The following LSS variants were observed in gnomAD, a reference collection of about 807,000 sequenced individuals.
The protein encoded by LSS is lanosterol synthase, also known as 2,3-epoxysqualene-lanosterol cyclase.
In LSS, 90 loss-of-function variants were observed where a neutral mutation model predicts 110.3. That is an observed-to-expected ratio of 0.82 (90% confidence interval 0.69 to 0.97). The LOEUF (loss-of-function observed/expected upper bound fraction) is 0.97, where lower values mean the gene tolerates loss of function less well. Ranked by LOEUF, LSS falls within the 50% of genes least tolerant of loss-of-function variation. The pLI is 0.00. For synonymous variants in LSS, 433 were observed against 400.0 expected (o/e 1.08, Z -0.98); for missense variants, 927 against 990.0 (o/e 0.94, Z 0.85).
At position 46,228,303 on chromosome 21, in the gene LSS, C is replaced by T. The variant is rs1942602339; in HGVS notation, c.180+131G>A. On this transcript the variant is annotated intron_variant, in intron 2 of 21. Coordinates refer to ENST00000397728, the MANE Select transcript of LSS (RefSeq NM_002340.6). ...CGGAGGGGCCCGCGAACGCAGTTCC[C>T]GTGGGCGCTCGCCTTGGGGATGGGC... The T allele has an allele frequency of 8.6e-6, 9 of 1,044,760 alleles. 1 individual carries two copies. Among genetic ancestry groups the T allele is most frequent in the South Asian group, 8.2e-5 (5 of 61,078 alleles). The allele number at this position is 1,044,760 out of a possible 1,614,324, so 64.7% of individuals were successfully genotyped here.
In LSS at chr21:46,217,010, G is replaced by A. The variant is rs151243592; in HGVS notation, c.648-486C>T. ...GCCTGTAACCCTAGCACTTTGGGAG[G>A]CCGAGGCTGGTGGATCACTTGAGGT... is the stretch of plus-strand genomic sequence containing the variant. On this transcript the variant is annotated intron_variant, in intron 6 of 21. Coordinates refer to ENST00000397728, the MANE Select transcript of LSS (RefSeq NM_002340.6). 2.0e-3 allele frequency among the ~76,000 whole-genome samples: 305 copies of A among 152,220 alleles called. 2 individuals are homozygous for A. The highest frequency in any genetic ancestry group is 7.0e-3 in the African/African-American group (290 of 41,540).
intron 6 of LSS, among the ~76,000 whole-genome samples, chr21:46,219,095 C>T (rs1039306140): frequency 2.6e-5 from 4 of 152,302 alleles, no homozygotes; most frequent in South Asian, 2.1e-4. Flanking sequence ...ACACACTTCA[C>T]ATTCACCAGC....
At chr21:46,213,002 A>G in intron 11 of LSS, 23 bp downstream of exon 11, 7 of 1,613,954 alleles carry the variant, frequency 4.3e-6, no homozygotes, top group Non-Finnish European at 5.9e-6. Flanking sequence ...GGAAGCATGC[A>G]GCCGCAGTCC....
At chr21:46,198,267 TA>T (rs34529498) in intron 17 of LSS, among the ~76,000 whole-genome samples, 88,140 of 143,580 alleles carry the variant, frequency 0.61, 26,760 homozygotes, top group African/African-American at 0.7. Context: ...CTGCGTCCCT[TA>T]AAAAAAAAAA....
chr21:46,221,040 GAGGTAGCCAGACCAGGGCTTGGAGAA>G (rs2080272466), intron 5 of LSS, among the ~76,000 whole-genome samples: 2 of 150,292 alleles, frequency 1.3e-5, no homozygotes, highest in African/African-American at 2.5e-5. Context: ...AGGGCTTGGA[GAGGTAGCCAGACCAGGGCTTGGAGAA>G]GTAGACAGTT....
chr21:46,205,248 G>C (rs898266937), intron 17 of LSS, among the ~76,000 whole-genome samples: 4 of 152,168 alleles, frequency 2.6e-5, no homozygotes, highest in African/African-American at 9.7e-5. Context: ...AAGGCCCGAG[G>C]GAGAGAACGC....
chr21:46,195,065 G>A (rs1313751893), intron 19 of LSS, among the ~76,000 whole-genome samples: 1 of 152,140 alleles, frequency 6.6e-6, no homozygotes, highest in Non-Finnish European at 1.5e-5. Flanking sequence ...AGAGTCCGGC[G>A]GCTGGAGACA....
intron 16 of LSS, 121 bp downstream of exon 16, chr21:46,206,551 C>G (rs2080050739): frequency 2.5e-6 from 2 of 801,728 alleles, no homozygotes; most frequent in Admixed American, 3.9e-5. Flanking sequence ...CCAGACAGAT[C>G]TGCCGGTGAA....
rs566877239 is a variant in LSS at position 46,196,743 on chromosome 21, ACTTGT to A, written c.1671-481_1671-477del. ...CCAGTGTCACCCTGTGGGACGTGGG[ACTTGT>A]CTTTAACCAGCAGATCACGGCAGGG... is the stretch of plus-strand genomic sequence containing the variant. On this transcript the variant is annotated intron_variant, in intron 17 of 21. Transcript: ENST00000397728. Among the ~76,000 whole-genome samples, 489 of 152,316 alleles carry A rather than the reference ACTTGT, an allele frequency of 3.2e-3. 1 individual carries two copies. The highest frequency in any genetic ancestry group is 4.5e-3 in the Non-Finnish European group (309 of 68,036).
Position 46,227,571 on chromosome 21 carries a change from G to A in LSS, c.300C>T (p.Gly100=). 4.3e-6 allele frequency: 7 copies of A among 1,613,938 alleles called. No homozygotes were observed. Among genetic ancestry groups the A allele is most frequent in the South Asian group, 2.2e-5 (2 of 91,086 alleles). The change falls in exon 3 of 22, where the codon GGC becomes GGT. Residue 100 remains glycine, a synonymous_variant. Coordinates refer to ENST00000397728, the MANE Select transcript of LSS (RefSeq NM_002340.6). ...TCCTACCTGGCAGGAGGAAAAGTGG[G>A]CCACCATAATCACCCGTCCAGTGCC... ...EDGHWTGDYG[G]PLFLLPGLLI... is the part of the protein sequence containing the mutation.
rs2079822392 is a variant in LSS at position 46,191,957 on chromosome 21, T to C, written c.1991A>G (p.His664Arg). The C allele has an allele frequency of 6.2e-7, 1 of 1,612,586 alleles. No individual in the cohort carries two copies. Among genetic ancestry groups the C allele is most frequent in the Admixed American group, 1.7e-5 (1 of 59,908 alleles). The change falls in exon 21 of 22, where the codon CAT becomes CGT. Residue 664 changes from histidine (H) to arginine (R), a missense_variant and splice_region_variant. Physicochemically the swap from His to Arg is conservative, Grantham distance 29 (BLOSUM62 0). Coordinates refer to ENST00000397728, the MANE Select transcript of LSS (RefSeq NM_002340.6). Reference sequence around the variant, plus strand: ...TCTCTCCTGGGCCTCGATGTCAGGATGCCTGGTGGAAGAGAAGGCTGAAAC... The same window carrying C: ...TCTCTCCTGGGCCTCGATGTCAGGACGCCTGGTGGAAGAGAAGGCTGAAAC... ...WAMMGLMAVR[H>R]PDIEAQERGV...
rs903027984 is a variant in LSS at position 46,189,587 on chromosome 21, G to A, written c.*1517C>T. The A allele has an allele frequency of 1.8e-5, 8 of 447,466 alleles. No individual in the cohort carries two copies. The highest frequency in any genetic ancestry group is 1.6e-4 in the African/African-American group (8 of 49,948). 27.7% of individuals were successfully genotyped at this position (447,466 alleles called of 1,614,324 possible). ...CAGAGGGTGCGGCACCTGGGTGAGAGCCCTGGACTGCACACCAAGGCAGAG... is the reference window on the plus strand; with the variant it reads ...CAGAGGGTGCGGCACCTGGGTGAGAACCCTGGACTGCACACCAAGGCAGAG... On this transcript the variant is annotated 3_prime_UTR_variant, in exon 22 of 22. Transcript: ENST00000397728.
Position 46,194,583 on chromosome 21 carries a change from G to T in LSS, c.1896C>A (p.Asp632Glu), listed in dbSNP as rs1159437803. ...RQMADGGWGE[D>E]FESCEERRYL... Reference sequence around the variant, plus strand: ...AACGCCGCTCCTCGCAGGACTCAAAGTCCTCCCCCCAGCCTCCGTCTGCCA... The same window carrying T: ...AACGCCGCTCCTCGCAGGACTCAAATTCCTCCCCCCAGCCTCCGTCTGCCA... The change falls in exon 20 of 22, where the codon GAC (aspartate) becomes GAA (glutamate). Residue 632 changes from aspartate to glutamate, a missense_variant. Coordinates refer to ENST00000397728, the MANE Select transcript of LSS (RefSeq NM_002340.6). 5 of 1,613,732 alleles carry T rather than the reference G, an allele frequency of 3.1e-6. No individual in the cohort carries two copies. The highest frequency in any genetic ancestry group is 2.5e-6 in the Non-Finnish European group (3 of 1,179,968).
At chr21:46,228,668 C>G (rs754737788) in intron 1 of LSS, 64 bp downstream of exon 1, 1 of 1,599,622 alleles carries the variant, frequency 6.3e-7, no homozygotes, top group East Asian at 2.2e-5. Context: ...CTGCCCCAGT[C>G]GCGCTCTCCT....
intron 3 of LSS, 24 bp downstream of exon 3, chr21:46,227,528 C>T (rs370669238): frequency 6.2e-7 from 1 of 1,613,256 alleles, no homozygotes; most frequent in Non-Finnish European, 8.5e-7. Flanking sequence ...GCCATACCAT[C>T]AGGCTGGGGC....
At chr21:46,221,047 C>T (rs959300515) in intron 5 of LSS, among the ~76,000 whole-genome samples, 2 of 139,962 alleles carry the variant, frequency 1.4e-5, no homozygotes, top group African/African-American at 5.4e-5. Context: ...GGAGAGGTAG[C>T]CAGACCAGGG....
Position 46,188,542 on chromosome 21 carries a change from T to C in LSS, c.*2562A>G, listed in dbSNP as rs144580286. 1.6e-5 allele frequency: 7 copies of C among 439,432 alleles called. No individual in the cohort carries two copies. The highest frequency in any genetic ancestry group is 3.3e-5 in the Non-Finnish European group (7 of 213,260). 27.2% of individuals were successfully genotyped at this position (439,432 alleles called of 1,614,324 possible). On this transcript the variant is annotated 3_prime_UTR_variant, in exon 22 of 22. Coordinates refer to ENST00000397728, the MANE Select transcript of LSS (RefSeq NM_002340.6). ...GCCATCTCCTCTTGGTGGTGTCCTT[T>C]GTCAAGAGCATGTCAGGGTGATGAG...
At position 46,215,160 on chromosome 21, in the gene LSS, G is replaced by C; in HGVS notation, c.1011+20C>G. ...TCAACCCCCAGGGGCTGCAGTCAGA[G>C]GCCGGGCAGGGGCACTGACCGGGCC... On this transcript the variant is annotated intron_variant, in intron 9 of 21. Transcript: ENST00000397728. 3.7e-6 allele frequency: 6 copies of C among 1,600,390 alleles called. No individual in the cohort carries two copies. Among genetic ancestry groups the C allele is most frequent in the Non-Finnish European group, 5.1e-6 (6 of 1,173,824 alleles).
Position 46,189,933 on chromosome 21 carries a change from C to T in LSS, c.*1171G>A, listed in dbSNP as rs138996335. ...CAGGACCTGAACTTCCCACCCCAAG[C>T]CCTACATCCATGCAAGCCAGACCAG... On this transcript the variant is annotated 3_prime_UTR_variant, in exon 22 of 22. Coordinates refer to ENST00000397728, the MANE Select transcript of LSS (RefSeq NM_002340.6). 450 of 354,458 alleles carry T rather than the reference C, an allele frequency of 1.3e-3. 8 individuals carry two copies. The highest frequency in any genetic ancestry group is 0.012 in the Middle Eastern group (17 of 1,376). The allele number at this position is 354,458 out of a possible 1,614,324, so 22.0% of individuals were successfully genotyped here. A position where few individuals can be genotyped will look rare whatever the true frequency, so the allele number is the denominator to read the frequency against.
Sources: allele counts gnomAD v4.1 joint callset (sites outside exome capture counted in the v4.1 genomes callset), GRCh38; gene constraint gnomAD v4.1.1; transcripts MANE v1.5; gene names NCBI Gene and HGNC (gene_info 2026-07-23, HGNC 2026-07-21).